Variants in SUN5 observed in about 807,000 individuals in gnomAD.
SUN5 encodes SUN domain-containing protein 5.
Under a neutral mutation model 53.7 loss-of-function variants are expected in SUN5, and 44 were observed. The ratio of observed to expected loss-of-function variants is 0.82; its 90% CI spans 0.64 to 1.05. SUN5 has a LOEUF of 1.05. Among genes scored for constraint, SUN5 ranks in the 50% least tolerant of loss-of-function variants. The pLI, the probability that SUN5 is intolerant of heterozygous loss-of-function variation, is 0.00. For missense variants in SUN5, 433 were observed against 483.8 expected (o/e 0.90, Z 0.98); for synonymous variants, 166 against 179.8 (o/e 0.92, Z 0.62).
chr20:33,001,370 C>T (rs1990003936), intron 3 of SUN5, 92 bp from the exon 4 acceptor site: 1 of 1,449,334 alleles, frequency 6.9e-7, no homozygotes, highest in Non-Finnish European at 9.4e-7. Flanking sequence ...TGGGGGAGGC[C>T]CTGGAGCTGG....
intron 9 of SUN5, 86 bp downstream of exon 9, chr20:32,989,534 G>A: frequency 8.6e-7 from 1 of 1,167,648 alleles, no homozygotes; most frequent in Non-Finnish European, 1.3e-6. Context: ...GGCAGAGGGA[G>A]TACCACACCA....
chr20:33,003,152 G>A (rs1482573560), intron 1 of SUN5, among the ~76,000 whole-genome samples: 1 of 152,094 alleles, frequency 6.6e-6, no homozygotes, highest in South Asian at 2.1e-4. Context: ...CCATGTCCCC[G>A]AGGTTGGCAG....
intron 9 of SUN5, 41 bp downstream of exon 9, chr20:32,989,579 A>G: frequency 1.3e-6 from 2 of 1,578,870 alleles, no homozygotes; most frequent in South Asian, 1.1e-5. Flanking sequence ...GCTTCCCAGG[A>G]CACTTGAGGC....
chr20:32,999,964 A>T, intron 5 of SUN5, 110 bp downstream of exon 5: 2 of 1,557,138 alleles, frequency 1.3e-6, no homozygotes, highest in South Asian at 2.4e-5. Context: ...CATCAGGCAG[A>T]TGGGGAAACT....
intron 4 of SUN5, among the ~76,000 whole-genome samples, chr20:33,000,682 A>C (rs1397988544): frequency 2.8e-4 from 42 of 151,930 alleles, no homozygotes; most frequent in Admixed American, 2.8e-3. Context: ...CTGTCTCTAC[A>C]AAAAATACAA....
chr20:32,988,133 C>T (rs73253078), intron 9 of SUN5, among the ~76,000 whole-genome samples: 13,314 of 152,028 alleles, frequency 0.088, 1,736 homozygotes, highest in African/African-American at 0.28. Flanking sequence ...GCTGCTGTGG[C>T]GCTGAGATGA....
intron 10 of SUN5, 68 bp downstream of exon 10, chr20:32,987,592 G>A: frequency 1.1e-6 from 1 of 916,108 alleles, no homozygotes; most frequent in Non-Finnish European, 1.5e-6. Flanking sequence ...TCTTCTGCCA[G>A]CTCCTGTCCC....
Position 33,004,332 on chromosome 20 carries a change from C to A in SUN5, c.9G>T (p.Arg3=), listed in dbSNP as rs1197576281. 3 of 1,565,430 alleles carry A rather than the reference C, an allele frequency of 1.9e-6. No individual in the cohort carries two copies. The African/African-American group carries it at 4.1e-5, about 21-fold the overall frequency. ...CTGGGTCCCCAGGGCTCCTTGAGGA[C>A]CGTGGCATCGATTTCCTTCTTTAGG... MP[R]SSRSPGDPGA... The change falls in exon 1 of 13, where the codon CGG becomes CGT. Residue 3 remains arginine, a synonymous_variant. Transcript: ENST00000356173.
chr20:32,984,764 A>T (rs1275338322), intron 12 of SUN5, among the ~76,000 whole-genome samples: 1 of 152,182 alleles, frequency 6.6e-6, no homozygotes, highest in Non-Finnish European at 1.5e-5. Flanking sequence ...GGGGCCACCC[A>T]CTACGGAGAC....
chr20:32,994,262 A>G (rs1989782423), intron 8 of SUN5, among the ~76,000 whole-genome samples: 2 of 152,226 alleles, frequency 1.3e-5, no homozygotes, highest in Admixed American at 1.3e-4. Flanking sequence ...TCCTCCTTAT[A>G]AAGAAAAGGG....
intron 8 of SUN5, among the ~76,000 whole-genome samples, chr20:32,989,945 A>T (rs1989668927): frequency 6.6e-6 from 1 of 152,152 alleles, no homozygotes; most frequent in Admixed American, 6.5e-5. Flanking sequence ...CCGGAGTCTC[A>T]GTGAGGTTCA....
At chr20:32,989,317 G>A in intron 9 of SUN5, among the ~76,000 whole-genome samples, 1 of 152,166 alleles carries the variant, frequency 6.6e-6, no homozygotes, top group East Asian at 1.9e-4. Context: ...GTGGGTGGGG[G>A]TGGTGGAGAG....
In SUN5 at chr20:32,983,797, A is replaced by T. The variant is rs750632484; in HGVS notation, c.1137T>A (p.Asp379Glu). The T allele has an allele frequency of 1.4e-6, 2 of 1,473,062 alleles. No homozygotes were observed. The highest frequency in any genetic ancestry group is 1.8e-4 in the Middle Eastern group (1 of 5,562). The allele number at this position is 1,473,062 out of a possible 1,614,324, so 91.2% of individuals were successfully genotyped here. A position where few individuals can be genotyped will look rare whatever the true frequency, so the allele number is the denominator to read the frequency against. The change falls in exon 13 of 13, where the codon GAT becomes GAA. Residue 379 changes from aspartate to glutamate, a missense_variant. Transcript: ENST00000356173. ...GTCTGGGGGTAAAGAATAAATTTTA[A>T]TCTCTCTTAGGGTAGGGGTTCTGGT... ...QPHQNPYPKR[D>E]
intron 9 of SUN5, 74 bp downstream of exon 9, chr20:32,989,546 A>G (rs1055214222): frequency 6.7e-6 from 9 of 1,339,776 alleles, no homozygotes; most frequent in Admixed American, 1.7e-5. Context: ...ACCACACCAG[A>G]ACTGAAACCC....
intron 9 of SUN5, among the ~76,000 whole-genome samples, 170 bp downstream of exon 9, chr20:32,989,450 G>A (rs944333214): frequency 1.5e-3 from 8 of 5,410 alleles, no homozygotes; most frequent in South Asian, 0.014. Flanking sequence ...ACCCCACCCC[G>A]TCCCAGAACC....
At chr20:32,999,083 A>T (rs1318654735) in intron 5 of SUN5, among the ~76,000 whole-genome samples, 2 of 152,084 alleles carry the variant, frequency 1.3e-5, no homozygotes, top group African/African-American at 2.4e-5. Flanking sequence ...TGCAGAAAAG[A>T]GTTAAACTAC....
rs777534089 is a variant in SUN5 at position 32,999,982 on chromosome 20, G to A, written c.340+92C>T. ...CAGGCAGATGGGGAAACTGAGTCACGTGGCAGTGCAGTGTCTTGCCCAGTG... is the reference window on the plus strand; with the variant it reads ...CAGGCAGATGGGGAAACTGAGTCACATGGCAGTGCAGTGTCTTGCCCAGTG... On this transcript the variant is annotated intron_variant, in intron 5 of 12. Transcript: ENST00000356173. 1.3e-5 allele frequency: 21 copies of A among 1,561,828 alleles called. No homozygotes were observed. The South Asian group carries it at 1.4e-4, about 11-fold the overall frequency.
chr20:33,003,409 C>A (rs188818458), intron 1 of SUN5, among the ~76,000 whole-genome samples: 14 of 152,192 alleles, frequency 9.2e-5, no homozygotes, highest in African/African-American at 3.4e-4. Context: ...TTCCCCTAGA[C>A]GCCACATTTC....
chr20:33,001,508 TTTCTTTCTTTC>T (rs1478881187), intron 3 of SUN5, among the ~76,000 whole-genome samples: 24 of 40,536 alleles, frequency 5.9e-4, no homozygotes, highest in African/African-American at 4.4e-3. Context: ...TAACAGACAT[TTTCTTTCTTTC>T]TTCTTTCTTT....
Sources: allele counts gnomAD v4.1 joint callset (sites outside exome capture counted in the v4.1 genomes callset), GRCh38; gene constraint gnomAD v4.1.1; transcripts MANE v1.5; gene names NCBI Gene and HGNC (gene_info 2026-07-23, HGNC 2026-07-21).